The following SPTBN5 variants were observed in gnomAD, a reference collection of about 807,000 sequenced individuals.
SPTBN5 encodes the protein spectrin beta chain, non-erythrocytic 5.
A neutral mutation model predicts 477.6 loss-of-function variants in SPTBN5; 513 were observed. The ratio of observed to expected loss-of-function variants is 1.07; its 90% CI spans 1.00 to 1.16. The LOEUF (loss-of-function observed/expected upper bound fraction) is 1.16, where lower values mean the gene tolerates loss of function less well. SPTBN5 is among the 50% of genes most tolerant of loss of function. The pLI, the probability that SPTBN5 is intolerant of heterozygous loss-of-function variation, is 0.00. For missense variants in SPTBN5, 5,062 were observed against 4,731.8 expected (o/e 1.07, Z -2.05); for synonymous variants, 2,169 against 2,011.7 (o/e 1.08, Z -2.09).
Position 41,853,450 on chromosome 15 carries a change from GT to G in SPTBN5, c.9981-4del. 1 of 1,568,494 alleles carries G rather than the reference GT, an allele frequency of 6.4e-7. No individual in the cohort carries two copies. Among genetic ancestry groups the G allele is most frequent in the Non-Finnish European group, 8.7e-7 (1 of 1,149,952 alleles). On this transcript the variant is annotated splice_polypyrimidine_tract_variant and splice_region_variant and intron_variant, in intron 58 of 67. Transcript: ENST00000320955. Reference sequence around the variant, plus strand: ...CCTGCCTCTCCTGTGCCCATGCTCTGTGGGGCAGGGAAGGGAGCTGTTGTCA... The same window carrying G: ...CCTGCCTCTCCTGTGCCCATGCTCTGGGGGCAGGGAAGGGAGCTGTTGTCA...
chr15:41,893,751 C>T, intron 1 of SPTBN5, 148 bp downstream of exon 1: 1 of 603,212 alleles, frequency 1.7e-6, no homozygotes, highest in Non-Finnish European at 2.9e-6. Flanking sequence ...GATTCTTCTT[C>T]TCAGAGCCCC....
rs565217962 is a variant in SPTBN5, at chr15:41,857,121, G to C, written c.8622-82C>G. ...GATACCTGGTGACACAGATCACCCAGCTGTGGCCCTCACCATGGGCAAGGG... is the reference window on the plus strand; with the variant it reads ...GATACCTGGTGACACAGATCACCCACCTGTGGCCCTCACCATGGGCAAGGG... On this transcript the variant is annotated intron_variant, in intron 51 of 67. Transcript: ENST00000320955. The C allele has an allele frequency of 3.0e-5, 46 of 1,518,692 alleles. No individual in the cohort carries two copies. The Admixed American group carries it at 6.1e-4, about 20-fold the overall frequency. 94.1% of individuals were successfully genotyped at this position (1,518,692 alleles called of 1,614,324 possible).
Position 41,870,285 on chromosome 15 carries a change from G to T in SPTBN5, c.5631C>A (p.Ser1877Arg), listed in dbSNP as rs531121955. ...CGAGTTCTCGCTCCAGCCCCTGGTGGCTTCTCAGCTGCGCCTCCAGCCCAC... is the reference window on the plus strand; with the variant it reads ...CGAGTTCTCGCTCCAGCCCCTGGTGTCTTCTCAGCTGCGCCTCCAGCCCAC... ...DLCGLEAQLR[S>R]HQGLERELVG... Residue 1877 changes from serine to arginine, a missense_variant, in exon 31 of 68, where the codon AGC becomes AGA. Ser to Arg is a moderately radical substitution (Grantham distance 110). Transcript: ENST00000320955. 6.8e-5 allele frequency: 106 copies of T among 1,554,802 alleles called. 2 individuals carry two copies. The South Asian group carries it at 1.2e-3, about 17-fold the overall frequency.
chr15:41,893,717 C>T (rs1229141588), intron 1 of SPTBN5, 171 bp from the exon 2 acceptor site: 3 of 761,530 alleles, frequency 3.9e-6, no homozygotes, highest in Non-Finnish European at 6.1e-6. Flanking sequence ...GCCCAGGGCC[C>T]CCTTTGCCCC....
Position 41,872,407 on chromosome 15 carries a change from T to G in SPTBN5, c.5060A>C (p.Gln1687Pro). 6.3e-7 allele frequency: 1 copy of G among 1,598,022 alleles called. No individual in the cohort carries two copies. Among genetic ancestry groups the G allele is most frequent in the Non-Finnish European group, 8.5e-7 (1 of 1,172,956 alleles). The change falls in exon 27 of 68, where the codon CAG becomes CCG. Residue 1687 changes from glutamine to proline, a missense_variant. Gln to Pro is a moderately conservative substitution (Grantham distance 76). Transcript: ENST00000320955. ...IYWSSMEELD[Q>P]TAQTLTGPEV... is the part of the protein sequence containing the mutation. Reference sequence around the variant, plus strand: ...GGGGCCAGTGAGGGTTTGGGCCGTCTGGTCAAGCTCCTCCATGGAGCTCCA... The same window carrying G: ...GGGGCCAGTGAGGGTTTGGGCCGTCGGGTCAAGCTCCTCCATGGAGCTCCA...
chr15:41,853,930 G>T (rs1245744713), intron 57 of SPTBN5, 120 bp downstream of exon 57: 8 of 1,442,580 alleles, frequency 5.5e-6, no homozygotes, highest in Non-Finnish European at 6.4e-6. Flanking sequence ...CTCGGGGAAG[G>T]ATCTGGGTTT....
rs773362934 is a variant in SPTBN5, at chr15:41,874,513, A to T, written c.4503-35T>A. On this transcript the variant is annotated intron_variant, in intron 23 of 67. Transcript: ENST00000320955. Reference sequence around the variant, plus strand: ...GGAGGAAGAGATTGGAGAGGTTGGGAACAGAGTGAGCACAAGGCTCCTGGT... The same window carrying T: ...GGAGGAAGAGATTGGAGAGGTTGGGTACAGAGTGAGCACAAGGCTCCTGGT... The T allele has an allele frequency of 6.6e-5, 101 of 1,534,658 alleles. No individual in the cohort carries two copies. In the East Asian group the frequency reaches 2.0e-3, roughly 31 times the overall value.
intron 43 of SPTBN5, 26 bp downstream of exon 43, chr15:41,862,513 C>T (rs562868818): frequency 5.1e-6 from 8 of 1,574,492 alleles, no homozygotes; most frequent in Middle Eastern, 1.9e-4. Flanking sequence ...GATGGGTCGG[C>T]GAGGGCAAGG....
intron 5 of SPTBN5, 52 bp from the exon 6 acceptor site, chr15:41,887,493 T>G: frequency 7.3e-7 from 1 of 1,379,084 alleles, no homozygotes; most frequent in East Asian, 2.5e-5. Context: ...ACTGCTTTCC[T>G]TTAAGTAGAT....
chr15:41,864,805 G>C (rs1290432941), intron 39 of SPTBN5, among the ~76,000 whole-genome samples: 2 of 152,244 alleles, frequency 1.3e-5, no homozygotes, highest in Non-Finnish European at 2.9e-5. Flanking sequence ...CCACCGCAGG[G>C]TGTGATTGCA....
Position 41,854,827 on chromosome 15 carries a change from C to T in SPTBN5, c.9573G>A (p.Glu3191=). 6.3e-7 allele frequency: 1 copy of T among 1,590,704 alleles called. No homozygotes were observed. Among genetic ancestry groups the T allele is most frequent in the Non-Finnish European group, 8.5e-7 (1 of 1,169,956 alleles). ...CTTGGTCCAACCTCTCCCAAGCAGC[C>T]TCAATGCGGCTCCTCTGGGCTTGGA... The part of the protein sequence containing the change: ...PHIQAQRSRI[E]AAWERLDQAI... Residue 3191 remains glutamate (E), a synonymous_variant, in exon 56 of 68, where the codon GAG becomes GAA. Coordinates refer to ENST00000320955, the MANE Select transcript of SPTBN5 (RefSeq NM_016642.4).
chr15:41,870,594 C>G, intron 29 of SPTBN5, 34 bp from the exon 30 acceptor site: 1 of 1,568,208 alleles, frequency 6.4e-7, no homozygotes, highest in Non-Finnish European at 8.7e-7. Context: ...AGCCGGGGAT[C>G]AGCTGCCGGG....
intron 19 of SPTBN5, 24 bp downstream of exon 19, chr15:41,876,785 G>A: frequency 6.2e-7 from 1 of 1,609,152 alleles, no homozygotes; most frequent in Non-Finnish European, 8.5e-7. Context: ...ATCTGCAGGT[G>A]CTGCAGACTG....
rs908391674 is a variant in SPTBN5, at chr15:41,872,053, G to A, written c.5166-136C>T. 4.9e-6 allele frequency: 6 copies of A among 1,219,818 alleles called. No individual in the cohort carries two copies. In the East Asian group the frequency reaches 1.3e-4, roughly 26 times the overall value. 75.6% of individuals were successfully genotyped at this position (1,219,818 alleles called of 1,614,324 possible). Reference sequence around the variant, plus strand: ...CCAAGCCTGCGGCTCACGATTCAGGGAGTAGTAGACACAGCAGTGCAGGTG... The same window carrying A: ...CCAAGCCTGCGGCTCACGATTCAGGAAGTAGTAGACACAGCAGTGCAGGTG... On this transcript the variant is annotated intron_variant, in intron 27 of 67. Coordinates refer to ENST00000320955, the MANE Select transcript of SPTBN5 (RefSeq NM_016642.4).
chr15:41,857,537 G>C (rs778404975), intron 50 of SPTBN5, 36 bp downstream of exon 50: 4 of 1,603,996 alleles, frequency 2.5e-6, no homozygotes, highest in Non-Finnish European at 2.6e-6. Context: ...GTGTCCTGGA[G>C]CCCGGCCAGC....
At chr15:41,854,425 G>T (rs146571728) in intron 56 of SPTBN5, among the ~76,000 whole-genome samples, 6 of 152,136 alleles carry the variant, frequency 3.9e-5, no homozygotes, top group Admixed American at 1.3e-4. Flanking sequence ...GGGGAGAGGA[G>T]AGGGCCTCGT....
Position 41,849,856 on chromosome 15 carries a change from C to G in SPTBN5, c.11012+13G>C, listed in dbSNP as rs760160665. 2.6e-6 allele frequency: 4 copies of G among 1,555,428 alleles called. No homozygotes were observed. The highest frequency in any genetic ancestry group is 3.5e-6 in the Non-Finnish European group (4 of 1,147,482). On this transcript the variant is annotated intron_variant, in intron 67 of 67. Coordinates refer to ENST00000320955, the MANE Select transcript of SPTBN5 (RefSeq NM_016642.4). ...GGGCTCCCCGCCCTGCTTCCCCCAC[C>G]CAGGTGTCCCACCTGAGTAGACATC... is the stretch of plus-strand genomic sequence containing the variant.
Position 41,871,867 on chromosome 15 carries a change from G to A in SPTBN5, c.5216C>T (p.Ala1739Val). 6.3e-7 allele frequency: 1 copy of A among 1,586,498 alleles called. No individual in the cohort carries two copies. Among genetic ancestry groups the A allele is most frequent in the East Asian group, 2.3e-5 (1 of 43,208 alleles). ...TLRLHEFLRE[A>V]EDLQGWLASQ... ...TGCCAGCCAGCCCTGCAGGTCCTCA[G>A]CCTCCCTCAGGAACTCATGCAGCCT... is the stretch of plus-strand genomic sequence containing the variant. The change falls in exon 28 of 68, where the codon GCT becomes GTT. Residue 1739 changes from alanine to valine, a missense_variant. Coordinates refer to ENST00000320955, the MANE Select transcript of SPTBN5 (RefSeq NM_016642.4).
intron 27 of SPTBN5, 93 bp downstream of exon 27, chr15:41,872,209 G>T: frequency 1.4e-6 from 2 of 1,456,626 alleles, no homozygotes; most frequent in East Asian, 2.4e-5. Context: ...CTGGGGTCAT[G>T]GGTTCTGATT....
Sources: allele counts gnomAD v4.1 joint callset (sites outside exome capture counted in the v4.1 genomes callset), GRCh38; gene constraint gnomAD v4.1.1; transcripts MANE v1.5; gene names NCBI Gene and HGNC (gene_info 2026-07-23, HGNC 2026-07-21).